The following SNAP91 variants were observed in gnomAD, a reference collection of about 807,000 sequenced individuals.
The protein encoded by SNAP91 is clathrin coat assembly protein AP180.
In SNAP91, 27 loss-of-function variants were observed where a neutral mutation model predicts 100.3. That is an observed-to-expected ratio of 0.27 (90% CI 0.20 to 0.37). The LOEUF is 0.37. SNAP91 is among the 10% of genes least tolerant of loss of function. The probability of loss-of-function intolerance (pLI) is 1.00; values close to 1 mark genes in which losing one functional copy is unlikely to be tolerated. For missense variants in SNAP91, 986 were observed against 1,123.7 expected (o/e 0.88, Z 1.75); for synonymous variants, 404 against 398.6 (o/e 1.01, Z -0.16).
chr6:83,613,602 GTCTC>G (rs2096286720), intron 11 of SNAP91, among the ~76,000 whole-genome samples: 2 of 152,144 alleles, frequency 1.3e-5, no homozygotes, highest in African/African-American at 4.8e-5. Flanking sequence ...ACTTTCCCAT[GTCTC>G]ATCATGCTTT....
At chr6:83,602,703 C>T (rs2095343379) in intron 14 of SNAP91, among the ~76,000 whole-genome samples, 1 of 151,996 alleles carries the variant, frequency 6.6e-6, no homozygotes, top group South Asian at 2.1e-4. Context: ...ATTAGCATTT[C>T]CCCCCAAAGC....
chr6:83,569,229 T>A (rs182060032), intron 26 of SNAP91, among the ~76,000 whole-genome samples: 1,696 of 151,012 alleles, frequency 0.011, 18 homozygotes, highest in Non-Finnish European at 0.019. Flanking sequence ...TTGTAACAAA[T>A]AGTTTCTATT....
rs1562055656 is a variant in SNAP91 at position 83,553,855 on chromosome 6, T to G, written c.*441A>C. The G allele has an allele frequency of 6.6e-6, 1 of 152,212 alleles. No individual in the cohort carries two copies. 9.4% of individuals were successfully genotyped at this position (152,212 alleles called of 1,614,324 possible). On this transcript the variant is annotated 3_prime_UTR_variant, in exon 30 of 30. Transcript: ENST00000369694. ...TCCTTATTATCTGGTATTATCACAC[T>G]ACGCTTGTAACAGAGATACAGAAGA... is the stretch of plus-strand genomic sequence containing the variant.
At chr6:83,625,495 C>T (rs1411069875) in intron 8 of SNAP91, among the ~76,000 whole-genome samples, 1 of 152,096 alleles carries the variant, frequency 6.6e-6, no homozygotes, top group Non-Finnish European at 1.5e-5. Context: ...AACTACATTC[C>T]CACCAACAGT....
In SNAP91 at chr6:83,591,192, A is replaced by T. The variant is rs759322601; in HGVS notation, c.2014+19T>A. 2.0e-6 allele frequency: 3 copies of T among 1,498,654 alleles called. No homozygotes were observed. Among genetic ancestry groups the T allele is most frequent in the African/African-American group, 1.4e-5 (1 of 72,754 alleles). The allele number at this position is 1,498,654 out of a possible 1,614,324, so 92.8% of individuals were successfully genotyped here. The stretch of plus-strand genomic sequence containing the variant: ...TATCCAAATTTAACTTCTACAAAAT[A>T]CCATTTTAATTTAATTACCAGCTAG... On this transcript the variant is annotated intron_variant, in intron 22 of 29. Coordinates refer to ENST00000369694, the MANE Select transcript of SNAP91 (RefSeq NM_001242792.2).
rs763899815 is a variant in SNAP91, at chr6:83,580,523, T to A, written c.2226A>T (p.Pro742=). The A allele has an allele frequency of 6.2e-6, 10 of 1,613,424 alleles. No homozygotes were observed. ...AGQPAPVSMV[P]PSPAMAASKA... ...TGCTGGCTGCCATTGCAGGACTGGG[T>A]GGTACCATTGAGACAGGTGCAGGCT... The change falls in exon 24 of 30, where the codon CCA becomes CCT. Residue 742 remains proline (P), a synonymous_variant. Coordinates refer to ENST00000369694, the MANE Select transcript of SNAP91 (RefSeq NM_001242792.2).
chr6:83,656,622 G>A (rs1378413039), intron 7 of SNAP91, 132 bp downstream of exon 7: 3 of 535,686 alleles, frequency 5.6e-6, no homozygotes, highest in African/African-American at 4.0e-5. Flanking sequence ...ACCACCATCT[G>A]TGGACTTACT....
intron 26 of SNAP91, among the ~76,000 whole-genome samples, chr6:83,570,650 T>C (rs1805593273): frequency 6.6e-6 from 1 of 152,026 alleles, no homozygotes; most frequent in Admixed American, 6.5e-5. Flanking sequence ...GCTCCAGCTG[T>C]GACTCAAAGG....
intron 7 of SNAP91, among the ~76,000 whole-genome samples, chr6:83,653,722 T>A (rs1370618330): frequency 6.6e-6 from 1 of 152,146 alleles, no homozygotes; most frequent in African/African-American, 2.4e-5. Context: ...CTGCTGTAAA[T>A]AGGTCTTTAT....
Position 83,650,052 on chromosome 6 carries a change from G to A in SNAP91, c.658+6702C>T, listed in dbSNP as rs1460495429. Among the ~76,000 whole-genome samples the A allele has an allele frequency of 5.3e-5, 8 of 151,730 alleles. No individual in the cohort carries two copies. In the South Asian group the frequency reaches 1.0e-3, roughly 20 times the overall value. ...TTTTTTACCCCATAGCTGGCATTACGAGTTCTACTTTCTTTTCCAGATGAA... is the reference window on the plus strand; with the variant it reads ...TTTTTTACCCCATAGCTGGCATTACAAGTTCTACTTTCTTTTCCAGATGAA... On this transcript the variant is annotated intron_variant, in intron 7 of 29. Coordinates refer to ENST00000369694, the MANE Select transcript of SNAP91 (RefSeq NM_001242792.2).
intron 2 of SNAP91, among the ~76,000 whole-genome samples, chr6:83,703,503 C>T (rs1477472467): frequency 1.3e-5 from 2 of 152,088 alleles, no homozygotes; most frequent in African/African-American, 2.4e-5. Context: ...TTTTTACTCA[C>T]AAAATTTCTT....
At chr6:83,640,015 G>A (rs2097621408) in intron 8 of SNAP91, among the ~76,000 whole-genome samples, 1 of 152,060 alleles carries the variant, frequency 6.6e-6, no homozygotes, top group Non-Finnish European at 1.5e-5. Flanking sequence ...AACCCATGAG[G>A]AAAGAAACGT....
intron 9 of SNAP91, among the ~76,000 whole-genome samples, chr6:83,622,570 T>C (rs555855831): frequency 6.6e-6 from 1 of 152,176 alleles, no homozygotes; most frequent in South Asian, 2.1e-4. Context: ...TCATTGCTAG[T>C]TAAATAACAT....
intron 2 of SNAP91, among the ~76,000 whole-genome samples, chr6:83,669,626 T>TAA (rs1256889965): frequency 1.3e-5 from 2 of 151,958 alleles, no homozygotes; most frequent in Non-Finnish European, 2.9e-5. Flanking sequence ...AGTTTCCCCA[T>TAA]ACCCTTTAAA....
At chr6:83,573,160 GACAA>G (rs1811463293) in intron 26 of SNAP91, among the ~76,000 whole-genome samples, 2 of 152,134 alleles carry the variant, frequency 1.3e-5, no homozygotes, top group South Asian at 4.1e-4. Flanking sequence ...ACCAATAACA[GACAA>G]ACAGAGAGCC....
At chr6:83,581,084 C>T (rs1174363430) in intron 23 of SNAP91, among the ~76,000 whole-genome samples, 1 of 152,166 alleles carries the variant, frequency 6.6e-6, no homozygotes, top group Non-Finnish European at 1.5e-5. Context: ...GAAAAGACTT[C>T]TAATGTGCTT....
intron 7 of SNAP91, among the ~76,000 whole-genome samples, chr6:83,645,634 C>T (rs959856004): frequency 6.6e-6 from 1 of 151,992 alleles, no homozygotes; most frequent in African/African-American, 2.4e-5. Context: ...ACTGCTTGAA[C>T]CCAGGAGTTT....
intron 16 of SNAP91, among the ~76,000 whole-genome samples, chr6:83,596,193 T>G (rs1024222127): frequency 1.3e-5 from 2 of 152,180 alleles, no homozygotes; most frequent in African/African-American, 4.8e-5. Context: ...GGACTGGGAT[T>G]ACAGGCCTAC....
At chr6:83,661,127 C>T (rs2098536583) in intron 5 of SNAP91, among the ~76,000 whole-genome samples, 1 of 152,130 alleles carries the variant, frequency 6.6e-6, no homozygotes, top group South Asian at 2.1e-4. Context: ...CATCTACAGC[C>T]ACTATACTTT....
Sources: allele counts gnomAD v4.1 joint callset (sites outside exome capture counted in the v4.1 genomes callset), GRCh38; gene constraint gnomAD v4.1.1; transcripts MANE v1.5; gene names NCBI Gene and HGNC (gene_info 2026-07-23, HGNC 2026-07-21).